RPP40: variants seen among roughly 807,000 people sequenced by gnomAD.
RPP40 encodes the protein ribonuclease P protein subunit p40.
A neutral mutation model predicts 42.5 loss-of-function variants in RPP40; 30 were observed. That is an observed-to-expected ratio of 0.71 (90% CI 0.53 to 0.96). The LOEUF is 0.96. Ranked by LOEUF, RPP40 falls within the 40% of genes least tolerant of loss-of-function variation. The probability of loss-of-function intolerance (pLI) is 0.00; values close to 1 mark genes in which losing one functional copy is unlikely to be tolerated. For synonymous variants in RPP40, 173 were observed against 164.0 expected, an observed-to-expected ratio of 1.05 and a Z score of -0.42; for missense variants, 426 against 433.5, an observed-to-expected ratio of 0.98 and a Z score of 0.15.
In RPP40 at chr6:5,000,619, G is replaced by T. The variant is rs1759523547; in HGVS notation, c.281C>A (p.Ala94Glu). ...ATCAATATGTGTATTGTATGTTAGT[G>T]CATAGCAAGAACCTGGAAGAGAAAG... ...STFIKKGSCY[A>E]LTYNTHIDED... Residue 94 changes from alanine to glutamate, a missense_variant, in exon 3 of 8, where the codon GCA (alanine) becomes GAA (glutamate). Physicochemically the swap from Ala to Glu is moderately radical, Grantham distance 107. Coordinates refer to ENST00000380051, the MANE Select transcript of RPP40 (RefSeq NM_006638.4). 3 of 1,589,882 alleles carry T rather than the reference G, an allele frequency of 1.9e-6. No homozygotes were observed. The East Asian group carries it at 6.7e-5, about 36-fold the overall frequency.
chr6:4,997,090 G>A (rs1467510684), intron 5 of RPP40, among the ~76,000 whole-genome samples: 1 of 152,168 alleles, frequency 6.6e-6, no homozygotes, highest in Non-Finnish European at 1.5e-5. Context: ...TGCCAGCATC[G>A]CTTGGTGTCA....
chr6:4,997,787 A>G (rs1359027186), intron 5 of RPP40, among the ~76,000 whole-genome samples: 1 of 152,136 alleles, frequency 6.6e-6, no homozygotes, highest in Non-Finnish European at 1.5e-5. Flanking sequence ...TTCTGCCAGC[A>G]TCCCTGAGAC....
At chr6:4,999,772 G>T in intron 4 of RPP40, 37 bp downstream of exon 4, 1 of 1,129,234 alleles carries the variant, frequency 8.9e-7, no homozygotes, top group Non-Finnish European at 1.3e-6. Context: ...ATTGCCACAA[G>T]AAGATTAGAA....
intron 6 of RPP40, 37 bp downstream of exon 6, chr6:4,996,185 C>T (rs1759373297): frequency 1.2e-6 from 2 of 1,608,884 alleles, no homozygotes; most frequent in Admixed American, 1.7e-5. Flanking sequence ...AGCAGCAGGC[C>T]AGAGCCCTGG....
At chr6:4,988,947 A>G in the RPP40 span, among the ~76,000 whole-genome samples, 1 of 152,172 alleles carries the variant, frequency 6.6e-6, no homozygotes, top group South Asian at 2.1e-4. Flanking sequence ...AATATACGGG[A>G]GATAAAGTTT....
intron 3 of RPP40, 133 bp downstream of exon 3, chr6:5,000,430 C>T (rs1759514350): frequency 9.9e-6 from 6 of 608,968 alleles, no homozygotes; most frequent in South Asian, 1.8e-5. Flanking sequence ...TCAGGTGATA[C>T]ACCTGCTTTG....
chr6:5,000,646 A>G lies in RPP40; in HGVS notation c.269-15T>C. ...ATAGCAAGAACCTGGAAGAGAAAGTACAGAGGAAAAATTTAAAACAAGAAA... is the reference window on the plus strand; with the variant it reads ...ATAGCAAGAACCTGGAAGAGAAAGTGCAGAGGAAAAATTTAAAACAAGAAA... On this transcript the variant is annotated splice_polypyrimidine_tract_variant and intron_variant, in intron 2 of 7. Transcript: ENST00000380051. 1 of 1,518,860 alleles carries G rather than the reference A, an allele frequency of 6.6e-7. No homozygotes were observed. Among genetic ancestry groups the G allele is most frequent in the Non-Finnish European group, 9.1e-7 (1 of 1,099,232 alleles). The allele number at this position is 1,518,860 out of a possible 1,614,324, so 94.1% of individuals were successfully genotyped here.
the RPP40 span, among the ~76,000 whole-genome samples, chr6:4,989,668 C>T: frequency 6.6e-6 from 1 of 151,932 alleles, no homozygotes; most frequent in East Asian, 1.9e-4. Flanking sequence ...CAGACTTATC[C>T]CAGGTATTTA....
rs1417224940 is a variant in RPP40, at chr6:4,994,988, C to T, written c.*90G>A. 2.5e-5 allele frequency: 28 copies of T among 1,139,208 alleles called. No homozygotes were observed. In the Admixed American group the frequency reaches 5.6e-4, roughly 23 times the overall value. The allele number at this position is 1,139,208 out of a possible 1,614,324, so 70.6% of individuals were successfully genotyped here. A position where few individuals can be genotyped will look rare whatever the true frequency, so the allele number is the denominator to read the frequency against. On this transcript the variant is annotated 3_prime_UTR_variant, in exon 8 of 8. Transcript: ENST00000380051. The stretch of plus-strand genomic sequence containing the variant: ...TGATCTGAGAAATGTCACCATCACA[C>T]AAGCCTGAGTGGACACACAGACCTT...
Position 4,995,224 on chromosome 6 carries a change from C to G in RPP40, c.946G>C (p.Gly316Arg). ...LAPWVTLSVQ[G>R]FADSPVSWEK... ...CAAGAAACAGGGCTGTCTGCAAAGC[C>G]TTGAACGGACAGTGTAACCCATGGA... The change falls in exon 8 of 8, where the codon GGC becomes CGC. Residue 316 changes from glycine (G) to arginine (R), a missense_variant. Transcript: ENST00000380051. The G allele has an allele frequency of 1.2e-6, 2 of 1,614,090 alleles. No individual in the cohort carries two copies. Among genetic ancestry groups the G allele is most frequent in the Non-Finnish European group, 1.7e-6 (2 of 1,180,012 alleles).
Position 5,004,010 on chromosome 6 carries a change from T to A in RPP40, c.-8A>T, listed in dbSNP as rs376176827. On this transcript the variant is annotated 5_prime_UTR_variant, in exon 1 of 8. Transcript: ENST00000380051. ...CCGGCGCAGCGTGGCCATGCTCTCC[T>A]GGGTTCCTGGTCCTCCCGGCCTCCG... is the stretch of plus-strand genomic sequence containing the variant. The A allele has an allele frequency of 1.3e-5, 20 of 1,598,298 alleles. No individual in the cohort carries two copies. Among genetic ancestry groups the A allele is most frequent in the Non-Finnish European group, 1.4e-5 (17 of 1,172,536 alleles).
chr6:4,999,117 C>T (rs1208294868), intron 4 of RPP40, among the ~76,000 whole-genome samples: 2 of 149,446 alleles, frequency 1.3e-5, no homozygotes, highest in Admixed American at 1.4e-4. Flanking sequence ...CAGGTTTAAT[C>T]TACTTATGGA....
intron 4 of RPP40, among the ~76,000 whole-genome samples, chr6:4,999,291 ATTTTTTTTT>A (rs145562587): frequency 2.4e-5 from 2 of 84,284 alleles, no homozygotes; most frequent in African/African-American, 4.6e-5. Context: ...AGTACTTGGA[ATTTTTTTTT>A]TTTTTTTTTT....
At chr6:4,991,658 G>A (rs1262963195), downstream of RPP40, among the ~76,000 whole-genome samples, 1 of 152,178 alleles carries the variant, frequency 6.6e-6, no homozygotes, top group African/African-American at 2.4e-5. Flanking sequence ...TCTCCTTGAA[G>A]TTCTAGTTGT....
rs772331161 is a variant in RPP40 at position 5,003,899 on chromosome 6, G to C, written c.104C>G (p.Thr35Arg). The C allele has an allele frequency of 1.2e-6, 2 of 1,613,646 alleles. No homozygotes were observed. The highest frequency in any genetic ancestry group is 2.2e-5 in the South Asian group (2 of 91,070). The change falls in exon 1 of 8, where the codon ACG (threonine) becomes AGG (arginine). Residue 35 changes from threonine to arginine, a missense_variant. By Grantham distance (71) the Thr-to-Arg change is moderately conservative. Coordinates refer to ENST00000380051, the MANE Select transcript of RPP40 (RefSeq NM_006638.4). ...ACTCACCCTGTAGTTATAGTAGTGC[G>C]TCTGCACAAGATGCCGGTGGCGCGA... ...HKSRHRHLVQ[T>R]HYYNYRVSFL...
intron 2 of RPP40, 143 bp downstream of exon 2, chr6:5,001,958 C>A: frequency 3.0e-6 from 2 of 668,088 alleles, no homozygotes; most frequent in Non-Finnish European, 5.0e-6. Context: ...GATGAGAATG[C>A]GGGGGAGAAC....
In RPP40 at chr6:4,999,662, TC is replaced by T. The variant is rs1230739576; in HGVS notation, c.433+146del. The T allele has an allele frequency of 5.1e-5, 30 of 583,456 alleles. No homozygotes were observed. The South Asian group carries it at 6.1e-4, about 12-fold the overall frequency. The allele number at this position is 583,456 out of a possible 1,614,324, so 36.1% of individuals were successfully genotyped here. On this transcript the variant is annotated intron_variant, in intron 4 of 7. Coordinates refer to ENST00000380051, the MANE Select transcript of RPP40 (RefSeq NM_006638.4). ...AAATGAACTTAAAAGCATCATCCTA[TC>T]CTCTGTGAAGCTCGAGTCAGAAGTT...
In RPP40 at chr6:4,996,435, A is replaced by C; in HGVS notation, c.560-15T>G. 6.2e-7 allele frequency: 1 copy of C among 1,611,006 alleles called. No individual in the cohort carries two copies. Among genetic ancestry groups the C allele is most frequent in the Non-Finnish European group, 8.5e-7 (1 of 1,179,666 alleles). On this transcript the variant is annotated splice_polypyrimidine_tract_variant and intron_variant, in intron 5 of 7. Transcript: ENST00000380051. Reference sequence around the variant, plus strand: ...TTCTTCTGAACCTTAAAAACACACCACACAAGGCCATTTGAATCCATCTGA... The same window carrying C: ...TTCTTCTGAACCTTAAAAACACACCCCACAAGGCCATTTGAATCCATCTGA...
intron 4 of RPP40, among the ~76,000 whole-genome samples, chr6:4,999,468 T>G (rs1327391514): frequency 6.6e-6 from 1 of 152,008 alleles, no homozygotes; most frequent in Non-Finnish European, 1.5e-5. Context: ...CCAGCTAATT[T>G]TTGCATTTTT....
Sources: gnomAD v4.1 joint callset for allele counts (sites outside exome capture counted in the v4.1 genomes callset) on GRCh38, gnomAD v4.1.1 for gene constraint, MANE v1.5 for transcripts, NCBI Gene and HGNC (gene_info 2026-07-23, HGNC 2026-07-21) for gene names.